SPINT2: variants seen among roughly 807,000 people sequenced by gnomAD.
SPINT2 encodes serine peptidase inhibitor, Kunitz type 2, also known as kunitz-type protease inhibitor 2.
Under a neutral mutation model 30.1 loss-of-function variants are expected in SPINT2, and 18 were observed. The observed-to-expected ratio is 0.60, with a 90% CI of 0.41 to 0.89. The LOEUF (loss-of-function observed/expected upper bound fraction) is 0.89, where lower values mean the gene tolerates loss of function less well. SPINT2 is among the 40% of genes least tolerant of loss of function. The pLI is 0.00. For missense variants in SPINT2, 276 were observed against 334.3 expected (o/e 0.83, Z 1.36); for synonymous variants, 139 against 137.9 (o/e 1.01, Z -0.05).
chr19:38,267,755 G>A (rs565413800), intron 1 of SPINT2, among the ~76,000 whole-genome samples: 68 of 152,248 alleles, frequency 4.5e-4, no homozygotes, highest in African/African-American at 1.5e-3. Context: ...TAAGAGCAGC[G>A]GGAGAGGTGG....
intron 3 of SPINT2, 54 bp downstream of exon 3, chr19:38,287,989 G>GA: frequency 6.3e-7 from 1 of 1,577,888 alleles, no homozygotes; most frequent in Middle Eastern, 1.7e-4. Flanking sequence ...GGGTCATTGT[G>GA]AAAGGACACT....
intron 1 of SPINT2, among the ~76,000 whole-genome samples, chr19:38,273,876 T>TA (rs1411220857): frequency 9.8e-5 from 15 of 152,318 alleles, no homozygotes; most frequent in Non-Finnish European, 1.6e-4. Context: ...ACTGTCCCTA[T>TA]ATTAGTCCTG....
intron 2 of SPINT2, among the ~76,000 whole-genome samples, chr19:38,285,149 G>A (rs1872704956): frequency 6.6e-6 from 1 of 152,090 alleles, no homozygotes; most frequent in Admixed American, 6.6e-5. Context: ...GGAGTTCTGT[G>A]GAATCAAGGT....
At chr19:38,287,748 C>A in intron 2 of SPINT2, 128 bp from the exon 3 acceptor site, 1 of 979,944 alleles carries the variant, frequency 1.0e-6, no homozygotes, top group Non-Finnish European at 1.7e-6. Flanking sequence ...GTCTGGCATG[C>A]ACATTGAAGG....
chr19:38,268,766 C>CGCGTGTGT (rs375982086), intron 1 of SPINT2, among the ~76,000 whole-genome samples: 26 of 149,922 alleles, frequency 1.7e-4, no homozygotes, highest in African/African-American at 5.6e-4. Context: ...TGCGCGCGCG[C>CGCGTGTGT]GTGTGTGTGT....
chr19:38,284,083 T>C (rs1314689225), intron 2 of SPINT2, among the ~76,000 whole-genome samples: 1 of 152,052 alleles, frequency 6.6e-6, no homozygotes, highest in Admixed American at 6.6e-5. Flanking sequence ...TCTTGTGATC[T>C]GCCTGCCTCA....
rs373006737 is a variant in SPINT2 at position 38,290,530 on chromosome 19, C to T, written c.554-7C>T. 1.7e-5 allele frequency: 27 copies of T among 1,614,006 alleles called. No individual in the cohort carries two copies. In the African/African-American group the frequency reaches 2.9e-4, roughly 18 times the overall value. ...GAGCTGACCTCAGGCTGTGTGTTCT[C>T]TTCCAGGCCAGCAGGAGAATCCTCC... is the stretch of plus-strand genomic sequence containing the variant. On this transcript the variant is annotated splice_region_variant and splice_polypyrimidine_tract_variant and intron_variant, in intron 5 of 6. Coordinates refer to ENST00000301244, the MANE Select transcript of SPINT2 (RefSeq NM_021102.4). The surrounding 1 kb of genome is among the most constrained non-coding windows in gnomAD (Gnocchi z 4.3).
intron 3 of SPINT2, chr19:38,288,935 G>A (rs1035729509): frequency 1.4e-4 from 79 of 581,058 alleles, no homozygotes; most frequent in African/African-American, 1.2e-3. Context: ...GTGGCGGCAG[G>A]GCCACCACAT....
At position 38,292,460 on chromosome 19, in the gene SPINT2, T is replaced by C. The variant is rs564759556; in HGVS notation, c.*454T>C. On this transcript the variant is annotated 3_prime_UTR_variant, in exon 7 of 7. Coordinates refer to ENST00000301244, the MANE Select transcript of SPINT2 (RefSeq NM_021102.4). ...TTCCCCTTTAGAATAAATTTCAGCATGTGCTTTCTTTATGGGAGTCCTAAT... is the reference window on the plus strand; with the variant it reads ...TTCCCCTTTAGAATAAATTTCAGCACGTGCTTTCTTTATGGGAGTCCTAAT... 1 of 163,700 alleles carries C rather than the reference T, an allele frequency of 6.1e-6. No individual in the cohort carries two copies. Among genetic ancestry groups the C allele is most frequent in the Non-Finnish European group, 1.3e-5 (1 of 74,330 alleles). The allele number at this position is 163,700 out of a possible 1,614,324, so 10.1% of individuals were successfully genotyped here.
At position 38,264,742 on chromosome 19, in the gene SPINT2, C is replaced by T. The variant is rs1253188193; in HGVS notation, c.-151C>T. 1 of 778,020 alleles carries T rather than the reference C, an allele frequency of 1.3e-6. No homozygotes were observed. The highest frequency in any genetic ancestry group is 1.8e-5 in the African/African-American group (1 of 56,356). 48.2% of individuals were successfully genotyped at this position (778,020 alleles called of 1,614,324 possible). Reference sequence around the variant, plus strand: ...ACTGAAGGTCCGGAAAGGCGACTTCCGGGGGCTTTGGCACCTGGCGGACCC... The same window carrying T: ...ACTGAAGGTCCGGAAAGGCGACTTCTGGGGGCTTTGGCACCTGGCGGACCC... On this transcript the variant is annotated 5_prime_UTR_variant, in exon 1 of 7. Transcript: ENST00000301244.
At chr19:38,271,632 G>C (rs1390586383) in intron 1 of SPINT2, among the ~76,000 whole-genome samples, 1 of 151,538 alleles carries the variant, frequency 6.6e-6, no homozygotes, top group Non-Finnish European at 1.5e-5. Context: ...AGGAGTTCAA[G>C]ACCAGCCTGG....
At chr19:38,282,401 G>T (rs2030126545) in intron 1 of SPINT2, among the ~76,000 whole-genome samples, 1 of 152,168 alleles carries the variant, frequency 6.6e-6, no homozygotes, top group African/African-American at 2.4e-5. Context: ...GTGGGTGAAG[G>T]CCAGGGTTAG....
In SPINT2 at chr19:38,268,766, C is replaced by CGCGCGTGTGTGTGTGTGT. The variant is rs375982086; in HGVS notation, c.106+3769_106+3770insCGCGTGTGTGTGTGTGTG. Among the ~76,000 whole-genome samples the CGCGCGTGTGTGTGTGTGT allele has an allele frequency of 3.2e-3, 476 of 149,900 alleles. 5 individuals carry two copies. The highest frequency in any genetic ancestry group is 0.022 in the South Asian group (103 of 4,710). The stretch of plus-strand genomic sequence containing the variant: ...GACAGAGAGAGAGCATGCGCGCGCG[C>CGCGCGTGTGTGTGTGTGT]GTGTGTGTGTGTGTGTGTGTGTGTT... On this transcript the variant is annotated intron_variant, in intron 1 of 6. Transcript: ENST00000301244.
rs765867982 is a variant in SPINT2, at chr19:38,290,475, C to A, written c.554-62C>A. On this transcript the variant is annotated intron_variant, in intron 5 of 6. Transcript: ENST00000301244. The surrounding 1 kb of genome is among the most constrained non-coding windows in gnomAD (Gnocchi z 4.3). ...ATGGAGGCCCTGGCTGAGGGGATCC[C>A]CTGCGGCAGCTCTGTGGAATGGGGG... is the stretch of plus-strand genomic sequence containing the variant. 21 of 1,613,396 alleles carry A rather than the reference C, an allele frequency of 1.3e-5. No individual in the cohort carries two copies. The Admixed American group carries it at 3.3e-4, about 26-fold the overall frequency.
intron 1 of SPINT2, among the ~76,000 whole-genome samples, chr19:38,279,507 T>G (rs553789436): frequency 6.6e-6 from 1 of 151,984 alleles, no homozygotes; most frequent in East Asian, 1.9e-4. Flanking sequence ...TAAAAAAAAA[T>G]TATTATAATA....
chr19:38,267,790 GGAA>G (rs1330533425), intron 1 of SPINT2, among the ~76,000 whole-genome samples: 1 of 152,136 alleles, frequency 6.6e-6, no homozygotes, highest in Non-Finnish European at 1.5e-5. Flanking sequence ...AAGTTGGGAA[GGAA>G]GAAGTAGTTG....
chr19:38,291,853 G>T lies in SPINT2; in HGVS notation c.606G>T (p.Ala202=). 1 of 1,612,636 alleles carries T rather than the reference G, an allele frequency of 6.2e-7. No individual in the cohort carries two copies. Among genetic ancestry groups the T allele is most frequent in the Non-Finnish European group, 8.5e-7 (1 of 1,179,888 alleles). The change falls in exon 7 of 7, where the codon GCG becomes GCT. Residue 202 remains alanine, a synonymous_variant. Transcript: ENST00000301244. ...LPLGSKVVVL[A]GLFVMVLILF... ...TCTCGTCCTCAGTGGTGGTTCTGGC[G>T]GGGCTGTTCGTGATGGTGTTGATCC...
At chr19:38,270,496 C>A (rs1400529961) in intron 1 of SPINT2, among the ~76,000 whole-genome samples, 1 of 152,142 alleles carries the variant, frequency 6.6e-6, no homozygotes, top group African/African-American at 2.4e-5. Context: ...GAAGACAGTA[C>A]AATAAATGAA....
At chr19:38,289,474 G>A in intron 4 of SPINT2, 2 of 103,728 alleles carry the variant, frequency 1.9e-5, no homozygotes, top group South Asian at 6.1e-4. Flanking sequence ...AACAGAGTGA[G>A]ACTCTGTCTC....
Sources: gnomAD v4.1 joint callset for allele counts (sites outside exome capture counted in the v4.1 genomes callset) on GRCh38, gnomAD v4.1.1 for gene constraint, Gnocchi (gnomAD v3.1) non-coding constraint, MANE v1.5 for transcripts, NCBI Gene and HGNC (gene_info 2026-07-23, HGNC 2026-07-21) for gene names.